Variants in STT3B observed in about 807,000 individuals in gnomAD.
The protein encoded by STT3B is STT3 oligosaccharyltransferase complex catalytic subunit B.
STT3B carries 29 observed loss-of-function variants against 96.8 expected under a neutral mutation model. The ratio of observed to expected loss-of-function variants is 0.30; its 90% CI spans 0.22 to 0.41. The LOEUF is 0.41. Ranked by LOEUF, STT3B falls within the 10% of genes least tolerant of loss-of-function variation. STT3B has a pLI of 1.00. For missense variants in STT3B, 640 were observed against 1,022.3 expected (o/e 0.63, Z 5.10); for synonymous variants, 367 against 360.0 (o/e 1.02, Z -0.22).
chr3:31,606,501 CA>C (rs71097431), intron 5 of STT3B, among the ~76,000 whole-genome samples: 70,847 of 152,078 alleles, frequency 0.47, 19,842 homozygotes, highest in Non-Finnish European at 0.62. Flanking sequence ...ACAGTTCAGA[CA>C]ATGGCTTCAG....
chr3:31,574,503 C>G (rs1698222826), intron 1 of STT3B, among the ~76,000 whole-genome samples: 1 of 152,066 alleles, frequency 6.6e-6, no homozygotes, highest in African/African-American at 2.4e-5. Flanking sequence ...TACTAGACAG[C>G]CTTTCCATAA....
chr3:31,610,103 T>G (rs975552088), intron 5 of STT3B, among the ~76,000 whole-genome samples: 4 of 152,208 alleles, frequency 2.6e-5, no homozygotes, highest in Admixed American at 1.3e-4. Flanking sequence ...CAGTGTTTTG[T>G]GTTTTTTTGT....
intron 1 of STT3B, among the ~76,000 whole-genome samples, chr3:31,568,496 C>A (rs1288598476): frequency 6.6e-6 from 1 of 152,134 alleles, no homozygotes; most frequent in Non-Finnish European, 1.5e-5. Context: ...ACTGTTCCCC[C>A]TTCCCCACAT....
intron 1 of STT3B, among the ~76,000 whole-genome samples, chr3:31,534,357 C>G (rs375455821): frequency 6.6e-6 from 1 of 152,258 alleles, no homozygotes. Context: ...GGAAAGATTG[C>G]TTTAACTTTT....
chr3:31,612,300 G>A (rs924163597), intron 5 of STT3B, among the ~76,000 whole-genome samples: 1 of 152,202 alleles, frequency 6.6e-6, no homozygotes, highest in African/African-American at 2.4e-5. Context: ...CTCAGGTTCA[G>A]TGATCCAAAA....
At chr3:31,555,550 G>A (rs1028065009) in intron 1 of STT3B, among the ~76,000 whole-genome samples, 1 of 152,034 alleles carries the variant, frequency 6.6e-6, no homozygotes, top group Non-Finnish European at 1.5e-5. Context: ...TGATTGCTGG[G>A]AAACTAAGTC....
intron 1 of STT3B, among the ~76,000 whole-genome samples, chr3:31,559,921 C>T (rs1173381522): frequency 6.6e-6 from 1 of 152,044 alleles, no homozygotes; most frequent in African/African-American, 2.4e-5. Context: ...GTTGAATCCA[C>T]TTATCATTAT....
intron 5 of STT3B, among the ~76,000 whole-genome samples, chr3:31,613,440 T>C (rs912110715): frequency 3.3e-5 from 5 of 152,068 alleles, no homozygotes; most frequent in Non-Finnish European, 5.9e-5. Context: ...AGTTGTGCCT[T>C]TGTGTGTTCA....
At chr3:31,537,757 C>A (rs2125433125) in intron 1 of STT3B, among the ~76,000 whole-genome samples, 1 of 152,162 alleles carries the variant, frequency 6.6e-6, no homozygotes, top group East Asian at 1.9e-4. Flanking sequence ...AATCTCTGAC[C>A]CAGTTGTTAA....
At chr3:31,548,193 A>G (rs1399175367) in intron 1 of STT3B, among the ~76,000 whole-genome samples, 1 of 152,230 alleles carries the variant, frequency 6.6e-6, no homozygotes, top group East Asian at 1.9e-4. Context: ...TTGCCTAAGA[A>G]GTAAACTAAA....
At chr3:31,572,015 C>CATATTAATAT (rs1203144050) in intron 1 of STT3B, among the ~76,000 whole-genome samples, 6 of 131,954 alleles carry the variant, frequency 4.5e-5, no homozygotes, top group Non-Finnish European at 6.2e-5. Flanking sequence ...TTTTATTAAA[C>CATATTAATAT]ATATTAATAT....
rs58688269 is a variant in STT3B at position 31,632,669 on chromosome 3, GT to G, written c.2188-250del. 0.22 allele frequency among the ~76,000 whole-genome samples: 31,036 copies of G among 144,316 alleles called. 4,042 individuals are homozygous for G. Among genetic ancestry groups the G allele is most frequent in the African/African-American group, 0.37 (14,288 of 38,808 alleles). The allele number at this position is 144,316 out of a possible 152,430, so 94.7% of individuals were successfully genotyped here. ...AGATTTCATTTCTATGTTTTGGTGG[GT>G]TTTTTTTTTTTTTTTAATGCCTTTA... On this transcript the variant is annotated intron_variant, in intron 14 of 15. Transcript: ENST00000295770.
chr3:31,564,762 G>C (rs1268256207), intron 1 of STT3B, among the ~76,000 whole-genome samples: 2 of 152,106 alleles, frequency 1.3e-5, no homozygotes, highest in South Asian at 2.1e-4. Context: ...TACGTATAAA[G>C]GAAGGATTGC....
chr3:31,606,940 C>T (rs1699067161), intron 5 of STT3B, among the ~76,000 whole-genome samples: 1 of 152,184 alleles, frequency 6.6e-6, no homozygotes. Context: ...AAACCCACCT[C>T]TTGTATCAGC....
chr3:31,579,506 T>G (rs1443700047), intron 2 of STT3B, among the ~76,000 whole-genome samples: 3 of 100,028 alleles, frequency 3.0e-5, no homozygotes, highest in Admixed American at 1.2e-4. Context: ...AAAAAAAAAG[T>G]TAGTGGGATC....
Position 31,616,964 on chromosome 3 carries a change from C to G in STT3B, c.1012C>G (p.Gln338Glu), listed in dbSNP as rs1699319468. 6.2e-7 allele frequency: 1 copy of G among 1,611,422 alleles called. No homozygotes were observed. The highest frequency in any genetic ancestry group is 1.3e-5 in the African/African-American group (1 of 74,854). ...FALLQAYAFL[Q>E]YLRDRLTKQE... is the part of the protein sequence containing the mutation. Reference sequence around the variant, plus strand: ...ATTGCTGCAAGCTTATGCTTTCTTGCAGTATCTGAGAGACCGATTAACAAA... The same window carrying G: ...ATTGCTGCAAGCTTATGCTTTCTTGGAGTATCTGAGAGACCGATTAACAAA... The change falls in exon 7 of 16, where the codon CAG becomes GAG. Residue 338 changes from glutamine (Q) to glutamate (E), a missense_variant. By Grantham distance (29) the Gln-to-Glu change is conservative. Coordinates refer to ENST00000295770, the MANE Select transcript of STT3B (RefSeq NM_178862.3).
At chr3:31,633,548 A>G (rs1468150418) in intron 15 of STT3B, among the ~76,000 whole-genome samples, 1 of 152,226 alleles carries the variant, frequency 6.6e-6, no homozygotes, top group African/African-American at 2.4e-5. Flanking sequence ...TATTCATTGA[A>G]TAAAGAATAG....
At chr3:31,607,699 C>T (rs972525117) in intron 5 of STT3B, among the ~76,000 whole-genome samples, 3 of 152,054 alleles carry the variant, frequency 2.0e-5, no homozygotes, top group South Asian at 2.1e-4. Context: ...TCAAATACTA[C>T]AGGGTTTATA....
Position 31,533,268 on chromosome 3 carries a change from C to T in STT3B, c.270C>T (p.Phe90=), listed in dbSNP as rs781439393. The change falls in exon 1 of 16, where the codon TTC becomes TTT. Residue 90 remains phenylalanine (F), a synonymous_variant. Transcript: ENST00000295770. The part of the protein sequence containing the change: ...AWLAGFSSRL[F]AVIRFESIIH... ...TTGCCGGCTTCAGCTCGCGCCTCTT[C>T]GCCGTCATCCGCTTCGAAAGCATCA... 1.3e-6 allele frequency: 2 copies of T among 1,525,400 alleles called. No individual in the cohort carries two copies. The highest frequency in any genetic ancestry group is 1.8e-6 in the Non-Finnish European group (2 of 1,136,970). The allele number at this position is 1,525,400 out of a possible 1,614,324, so 94.5% of individuals were successfully genotyped here. A position where few individuals can be genotyped will look rare whatever the true frequency, so the allele number is the denominator to read the frequency against.
Sources: allele counts gnomAD v4.1 joint callset (sites outside exome capture counted in the v4.1 genomes callset), GRCh38; gene constraint gnomAD v4.1.1; transcripts MANE v1.5; gene names NCBI Gene and HGNC (gene_info 2026-07-23, HGNC 2026-07-21).